Variants in GRM4 observed in about 807,000 individuals in gnomAD.
GRM4 encodes glutamate metabotropic receptor 4, also known as metabotropic glutamate receptor 4.
GRM4 carries 28 observed loss-of-function variants against 81.7 expected under a neutral mutation model. The observed-to-expected ratio is 0.34, with a 90% CI of 0.25 to 0.47. GRM4 has a LOEUF of 0.47. Among genes scored for constraint, GRM4 ranks in the 20% least tolerant of loss-of-function variants. GRM4 has a pLI of 1.00. For missense variants in GRM4, 948 were observed against 1,290.0 expected (o/e 0.73, Z 4.06); for synonymous variants, 488 against 528.8 (o/e 0.92, Z 1.06).
In GRM4 at chr6:34,115,580, C is replaced by G. The variant is rs9380408; in HGVS notation, c.519+17398G>C. Reference sequence around the variant, plus strand: ...GGTCTGCCCGAAGACACTCGGCAAACCTTTCAGGCCTCTAAAAGACCATTT... The same window carrying G: ...GGTCTGCCCGAAGACACTCGGCAAAGCTTTCAGGCCTCTAAAAGACCATTT... On this transcript the variant is annotated intron_variant, in intron 2 of 10. Coordinates refer to ENST00000538487, the MANE Select transcript of GRM4 (RefSeq NM_000841.4). This position sits in a 1 kb window ranked among gnomAD's most constrained non-coding sequence, Gnocchi z 4.1. Among the ~76,000 whole-genome samples, 1 of 152,210 alleles carries G rather than the reference C, an allele frequency of 6.6e-6. No homozygotes were observed. The highest frequency in any genetic ancestry group is 2.4e-5 in the African/African-American group (1 of 41,450).
Position 34,059,328 on chromosome 6 carries a change from G to A in GRM4, c.873-200C>T, listed in dbSNP as rs539702832. On this transcript the variant is annotated intron_variant, in intron 4 of 10. Transcript: ENST00000538487. This position sits in a 1 kb window ranked among gnomAD's most constrained non-coding sequence, Gnocchi z 5.7. ...ACCTGCTCATAGACCCATGGCTACC[G>A]CCTCATCCAACCTGCCTGCCCCTGG... 28 of 598,880 alleles carry A rather than the reference G, an allele frequency of 4.7e-5. No homozygotes were observed. The highest frequency in any genetic ancestry group is 3.5e-4 in the Middle Eastern group (1 of 2,858). The allele number at this position is 598,880 out of a possible 1,614,324, so 37.1% of individuals were successfully genotyped here.
At chr6:34,043,312 G>A (rs548960500) in intron 6 of GRM4, among the ~76,000 whole-genome samples, 5 of 152,252 alleles carry the variant, frequency 3.3e-5, no homozygotes, top group African/African-American at 7.2e-5. Context: ...ACAAGGTCAC[G>A]AGGGCCTAGG....
intron 6 of GRM4, chr6:34,056,270 G>C (rs1765864696): frequency 2.1e-6 from 1 of 467,986 alleles, no homozygotes; most frequent in Non-Finnish European, 3.9e-6. Flanking sequence ...AGTGCTGTGG[G>C]CTGGCCCTAG....
In GRM4 at chr6:34,043,380, C is replaced by G. The variant is rs114247560; in HGVS notation, c.1169-2632G>C. On this transcript the variant is annotated intron_variant, in intron 6 of 10. Transcript: ENST00000538487. ...GACATAGAGAAGGCTGGGACAGTGT[C>G]GCCTGGAAAGACCCTCCCTGGACCC... Among the ~76,000 whole-genome samples the G allele has an allele frequency of 5.9e-3, 900 of 152,262 alleles. 10 individuals carry two copies. Among genetic ancestry groups the G allele is most frequent in the African/African-American group, 0.019 (806 of 41,538 alleles).
In GRM4 at chr6:34,136,537, G is replaced by A. The variant is rs1036720244; in HGVS notation, c.-363-2678C>T. The stretch of plus-strand genomic sequence containing the variant: ...TCTCCTTGAGGCCGGAGCACGTCTG[G>A]GCTGAGCAGTGCATGCGCGCGTGCG... On this transcript the variant is annotated intron_variant, in intron 1 of 10. Transcript: ENST00000538487. The surrounding 1 kb of genome is among the most constrained non-coding windows in gnomAD (Gnocchi z 4.1). Among the ~76,000 whole-genome samples, 1 of 147,460 alleles carries A rather than the reference G, an allele frequency of 6.8e-6. No homozygotes were observed. Among genetic ancestry groups the A allele is most frequent in the South Asian group, 2.2e-4 (1 of 4,606 alleles).
At chr6:34,139,880 T>C (rs1188291610) in intron 1 of GRM4, among the ~76,000 whole-genome samples, 2 of 152,038 alleles carry the variant, frequency 1.3e-5, no homozygotes, top group East Asian at 3.9e-4. Context: ...CATTCAAAGG[T>C]GCTCTGAGCA....
At chr6:34,044,753 C>CACAGACACAA (rs1765263160) in intron 6 of GRM4, among the ~76,000 whole-genome samples, 1 of 131,332 alleles carries the variant, frequency 7.6e-6, no homozygotes, top group African/African-American at 3.3e-5. Flanking sequence ...CACATATATA[C>CACAGACACAA]ACATACACAC....
rs1265447381 is a variant in GRM4, at chr6:34,089,447, C to T, written c.736+2436G>A. ...AAATCAAATTTCATTTATTGGGTTG[C>T]GCGACGAGACCTAGCTGCCTGAACT... On this transcript the variant is annotated intron_variant, in intron 3 of 10. Transcript: ENST00000538487. This position sits in a 1 kb window ranked among gnomAD's most constrained non-coding sequence, Gnocchi z 4.3. Among the ~76,000 whole-genome samples the T allele has an allele frequency of 1.3e-5, 2 of 151,924 alleles. No individual in the cohort carries two copies. The highest frequency in any genetic ancestry group is 2.9e-5 in the Non-Finnish European group (2 of 68,004).
At position 34,059,370 on chromosome 6, in the gene GRM4, G is replaced by A. The variant is rs1388979450; in HGVS notation, c.873-242C>T. On this transcript the variant is annotated intron_variant, in intron 4 of 10. Coordinates refer to ENST00000538487, the MANE Select transcript of GRM4 (RefSeq NM_000841.4). The surrounding 1 kb of genome is among the most constrained non-coding windows in gnomAD (Gnocchi z 5.7). ...TGCCCCTGGGCCCACGCCTGCTGCAGGCCCAGCGTGATTCTCCAGGCCTAC... is the reference window on the plus strand; with the variant it reads ...TGCCCCTGGGCCCACGCCTGCTGCAAGCCCAGCGTGATTCTCCAGGCCTAC... 1.3e-5 allele frequency: 7 copies of A among 553,500 alleles called. No individual in the cohort carries two copies. The highest frequency in any genetic ancestry group is 2.0e-5 in the Non-Finnish European group (6 of 306,450). 34.3% of individuals were successfully genotyped at this position (553,500 alleles called of 1,614,324 possible).
rs963428773 is a variant in GRM4 at position 34,034,875 on chromosome 6, G to A, written c.2442+793C>T. 1.8e-4 allele frequency among the ~76,000 whole-genome samples: 28 copies of A among 152,256 alleles called. No homozygotes were observed. The highest frequency in any genetic ancestry group is 3.4e-3 in the Middle Eastern group (1 of 294). On this transcript the variant is annotated intron_variant, in intron 9 of 10. Transcript: ENST00000538487. The surrounding 1 kb of genome is among the most constrained non-coding windows in gnomAD (Gnocchi z 4.0). Reference sequence around the variant, plus strand: ...CAGTACTTCCAGATAACACCCCCGAGTCACCCAGCCAGCACCAGGACTGGG... The same window carrying A: ...CAGTACTTCCAGATAACACCCCCGAATCACCCAGCCAGCACCAGGACTGGG...
intron 3 of GRM4, among the ~76,000 whole-genome samples, chr6:34,085,051 G>C (rs1485068128): frequency 1.3e-5 from 2 of 152,216 alleles, no homozygotes; most frequent in Non-Finnish European, 2.9e-5. Context: ...AGCAGGGCCT[G>C]CAGCCTGTCT....
In GRM4 at chr6:34,022,929, C is replaced by T; in HGVS notation, c.2690-59G>A. The T allele has an allele frequency of 7.5e-7, 1 of 1,328,804 alleles. No individual in the cohort carries two copies. The highest frequency in any genetic ancestry group is 1.1e-6 in the Non-Finnish European group (1 of 920,004). The allele number at this position is 1,328,804 out of a possible 1,614,324, so 82.3% of individuals were successfully genotyped here. ...CAGGGGCTGCTTTTCTCAAACTGTC[C>T]TTCCACATGGGCACAGCCCTGCACA... On this transcript the variant is annotated intron_variant, in intron 10 of 10. Transcript: ENST00000538487. The surrounding 1 kb of genome is among the most constrained non-coding windows in gnomAD (Gnocchi z 5.6).
chr6:34,104,010 G>C (rs1211786913), intron 2 of GRM4, among the ~76,000 whole-genome samples: 1 of 152,222 alleles, frequency 6.6e-6, no homozygotes, highest in African/African-American at 2.4e-5. Flanking sequence ...ACGGCCCCGA[G>C]GTAGGAAGCC....
intron 2 of GRM4, among the ~76,000 whole-genome samples, chr6:34,117,602 G>C (rs1769648793): frequency 6.6e-6 from 1 of 152,178 alleles, no homozygotes; most frequent in Non-Finnish European, 1.5e-5. Flanking sequence ...CATAGTCCCT[G>C]GCTCCCATGC....
chr6:34,088,320 C>T (rs1393506971), intron 3 of GRM4, among the ~76,000 whole-genome samples: 2 of 152,184 alleles, frequency 1.3e-5, no homozygotes, highest in Non-Finnish European at 1.5e-5. Flanking sequence ...GACGGCGTTT[C>T]ACCATGTTGG....
chr6:34,148,002 C>T (rs1379626810), upstream of GRM4, among the ~76,000 whole-genome samples: 1 of 151,388 alleles, frequency 6.6e-6, no homozygotes, highest in Non-Finnish European at 1.5e-5. Flanking sequence ...ACTCTCCCCA[C>T]CCCCTGCCCC....
intron 1 of GRM4, among the ~76,000 whole-genome samples, chr6:34,143,395 G>A (rs1177885547): frequency 1.3e-5 from 2 of 151,118 alleles, no homozygotes; most frequent in Non-Finnish European, 3.0e-5. Context: ...ACTCTCCACC[G>A]CAGCCAGGCC....
At chr6:34,100,272 G>A (rs1216196103) in intron 2 of GRM4, among the ~76,000 whole-genome samples, 4 of 152,206 alleles carry the variant, frequency 2.6e-5, no homozygotes, top group Non-Finnish European at 4.4e-5. Flanking sequence ...CCCCCGGTCT[G>A]GAGATGGACC....
At chr6:34,055,159 G>A (rs1463307412) in intron 6 of GRM4, 1 of 152,152 alleles carries the variant, frequency 6.6e-6, no homozygotes, top group Non-Finnish European at 1.5e-5. Flanking sequence ...TGAACACAGT[G>A]GATACATAGT....
Sources: allele counts gnomAD v4.1 joint callset (sites outside exome capture counted in the v4.1 genomes callset), GRCh38; gene constraint gnomAD v4.1.1; non-coding constraint Gnocchi (gnomAD v3.1); transcripts MANE v1.5; gene names NCBI Gene and HGNC (gene_info 2026-07-23, HGNC 2026-07-21).